ZBTB2: variants seen among roughly 807,000 people sequenced by gnomAD.
The protein encoded by ZBTB2 is zinc finger and BTB domain containing 2.
Under a neutral mutation model 39.5 loss-of-function variants are expected in ZBTB2, and 2 were observed. The observed-to-expected ratio is 0.05, with a 90% confidence interval of 0.02 to 0.16. The LOEUF is 0.16. Among genes scored for constraint, ZBTB2 ranks in the 10% least tolerant of loss-of-function variants. The probability of loss-of-function intolerance (pLI) is 1.00; values close to 1 mark genes in which losing one functional copy is unlikely to be tolerated. For synonymous variants in ZBTB2, 251 were observed against 256.6 expected (o/e 0.98, Z 0.21); for missense variants, 391 against 653.0 (o/e 0.60, Z 4.37).
intron 2 of ZBTB2, among the ~76,000 whole-genome samples, chr6:151,372,389 C>T (rs964492246): frequency 2.6e-5 from 4 of 151,950 alleles, no homozygotes; most frequent in Non-Finnish European, 4.4e-5. Flanking sequence ...GCGAGGACCT[C>T]GATTACCCTT....
intron 2 of ZBTB2, among the ~76,000 whole-genome samples, chr6:151,369,474 C>G (rs1778732461): frequency 6.6e-6 from 1 of 152,126 alleles, no homozygotes; most frequent in African/African-American, 2.4e-5. Context: ...GCACATGCCA[C>G]TACACCCAGC....
At chr6:151,373,870 A>AAAAAAACAAAACAAAAC (rs1554336610) in intron 1 of ZBTB2, among the ~76,000 whole-genome samples, 3 of 123,568 alleles carry the variant, frequency 2.4e-5, no homozygotes, top group African/African-American at 1.1e-4. Flanking sequence ...AAAAAAAAAA[A>AAAAAAACAAAACAAAAC]AAAAAAACCA....
intron 1 of ZBTB2, among the ~76,000 whole-genome samples, chr6:151,373,869 A>AAAC (rs1778842628): frequency 6.8e-6 from 1 of 147,222 alleles, no homozygotes; most frequent in African/African-American, 2.5e-5. Context: ...AAAAAAAAAA[A>AAAC]AAAAAAAACC....
intron 1 of ZBTB2, among the ~76,000 whole-genome samples, chr6:151,387,619 CT>C (rs1237673656): frequency 6.6e-6 from 1 of 152,098 alleles, no homozygotes; most frequent in Non-Finnish European, 1.5e-5. Flanking sequence ...CGAGTGCCCC[CT>C]GTTTAAGAGA....
intron 2 of ZBTB2, among the ~76,000 whole-genome samples, chr6:151,369,493 A>C (rs1778732631): frequency 6.6e-6 from 1 of 152,020 alleles, no homozygotes; most frequent in Non-Finnish European, 1.5e-5. Context: ...GCTAATTTTT[A>C]AACTTTTATA....
At chr6:151,368,305 C>G (rs1328867144) in intron 2 of ZBTB2, among the ~76,000 whole-genome samples, 2 of 152,128 alleles carry the variant, frequency 1.3e-5, no homozygotes, top group Admixed American at 1.3e-4. Context: ...CGCCACCACA[C>G]CCGGCTAATT....
intron 1 of ZBTB2, among the ~76,000 whole-genome samples, chr6:151,390,247 T>C (rs1166729443): frequency 2.0e-5 from 3 of 149,148 alleles, no homozygotes; most frequent in Non-Finnish European, 4.5e-5. Flanking sequence ...CCCGCCCGCC[T>C]GAGCGCGCCG....
At chr6:151,371,985 C>T (rs557451511) in intron 2 of ZBTB2, among the ~76,000 whole-genome samples, 1 of 152,294 alleles carries the variant, frequency 6.6e-6, no homozygotes, top group African/African-American at 2.4e-5. Flanking sequence ...AGATACTCAA[C>T]TCTAAATGCC....
At position 151,366,458 on chromosome 6, in the gene ZBTB2, G is replaced by A; in HGVS notation, c.608C>T (p.Ser203Phe). Reference protein sequence around the residue: ...TPSDPLQTSLSPELVSTPVPP... With the variant: ...TPSDPLQTSLFPELVSTPVPP... ...AACAGGAGTGGAAACAAGTTCTGGA[G>A]ACAGCGAGGTCTGCAGGGGGTCTGA... Residue 203 changes from serine (S) to phenylalanine (F), a missense_variant, in exon 3 of 3, where the codon TCT (serine) becomes TTT (phenylalanine). By Grantham distance (155) the Ser-to-Phe change is radical. Transcript: ENST00000325144. The surrounding 1 kb of genome is among the most constrained non-coding windows in gnomAD (Gnocchi z 7.1). 1 of 1,614,118 alleles carries A rather than the reference G, an allele frequency of 6.2e-7. No individual in the cohort carries two copies. Among genetic ancestry groups the A allele is most frequent in the Non-Finnish European group, 8.5e-7 (1 of 1,180,016 alleles).
chr6:151,373,737 A>ATGATG, intron 1 of ZBTB2, 88 bp from the exon 2 acceptor site: 1 of 1,273,144 alleles, frequency 7.9e-7, no homozygotes, highest in Non-Finnish European at 1.1e-6. Flanking sequence ...GATCATAGCT[A>ATGATG]ACATGTCATC....
chr6:151,383,197 T>C (rs1582923012), intron 1 of ZBTB2, among the ~76,000 whole-genome samples: 1 of 151,890 alleles, frequency 6.6e-6, no homozygotes, highest in Non-Finnish European at 1.5e-5. Context: ...TGGGATTACA[T>C]GCGTGAGCCA....
At chr6:151,369,366 T>C (rs1163293962) in intron 2 of ZBTB2, among the ~76,000 whole-genome samples, 3 of 151,622 alleles carry the variant, frequency 2.0e-5, no homozygotes, top group Admixed American at 2.0e-4. Context: ...ACAATTTTTT[T>C]TGAGAGAGGG....
chr6:151,386,101 A>C (rs986933082), intron 1 of ZBTB2, among the ~76,000 whole-genome samples: 11 of 152,178 alleles, frequency 7.2e-5, no homozygotes, highest in African/African-American at 2.7e-4. Flanking sequence ...GGTCATAAGG[A>C]GGCAATTCAG....
chr6:151,371,199 C>T (rs1444078218), intron 2 of ZBTB2, among the ~76,000 whole-genome samples: 1 of 152,176 alleles, frequency 6.6e-6, no homozygotes, highest in African/African-American at 2.4e-5. Flanking sequence ...ATCTGCTCCT[C>T]CAGACATTGA....
intron 1 of ZBTB2, among the ~76,000 whole-genome samples, chr6:151,383,088 A>G (rs1473210700): frequency 6.7e-6 from 1 of 150,234 alleles, no homozygotes; most frequent in Non-Finnish European, 1.5e-5. Context: ...CACCTGGCTA[A>G]TTTTTGTATT....
chr6:151,391,063 T>TCCCCTC (rs1382967474), intron 1 of ZBTB2, among the ~76,000 whole-genome samples: 2 of 121,626 alleles, frequency 1.6e-5, no homozygotes, highest in Non-Finnish European at 3.4e-5. Flanking sequence ...TCGGCTTCCG[T>TCCCCTC]CCCCTCCCCC....
At chr6:151,370,843 G>C (rs1341604055) in intron 2 of ZBTB2, among the ~76,000 whole-genome samples, 1 of 152,202 alleles carries the variant, frequency 6.6e-6, no homozygotes, top group Admixed American at 6.5e-5. Context: ...TAGGAGGCAG[G>C]CAAAGCTGGC....
rs753565494 is a variant in ZBTB2, at chr6:151,365,989, C to T, written c.1077G>A (p.Lys359=). ...ATATTGTGCACTCGTACTTCCGCCT[C>T]TTCACCTCCCTCTCCTGGTCGGCCT... The part of the protein sequence containing the change: ...LEQADQEREV[K]RRKYECTICG... Residue 359 remains lysine (K), a synonymous_variant, in exon 3 of 3, where the codon AAG becomes AAA. Coordinates refer to ENST00000325144, the MANE Select transcript of ZBTB2 (RefSeq NM_020861.3). This position sits in a 1 kb window ranked among gnomAD's most constrained non-coding sequence, Gnocchi z 5.6. 1.2e-6 allele frequency: 2 copies of T among 1,614,224 alleles called. No homozygotes were observed. Among genetic ancestry groups the T allele is most frequent in the Non-Finnish European group, 1.7e-6 (2 of 1,180,044 alleles).
At chr6:151,370,993 A>G (rs996070146) in intron 2 of ZBTB2, among the ~76,000 whole-genome samples, 1 of 152,222 alleles carries the variant, frequency 6.6e-6, no homozygotes, top group Non-Finnish European at 1.5e-5. Flanking sequence ...CATCGAATTA[A>G]AACTCATTAC....
Sources: gnomAD v4.1 joint callset for allele counts (sites outside exome capture counted in the v4.1 genomes callset) on GRCh38, gnomAD v4.1.1 for gene constraint, Gnocchi (gnomAD v3.1) non-coding constraint, MANE v1.5 for transcripts, NCBI Gene and HGNC (gene_info 2026-07-23, HGNC 2026-07-21) for gene names.